Variants in FHOD3 observed in about 807,000 individuals in gnomAD.
FHOD3 encodes the protein FH1/FH2 domain-containing protein 3.
FHOD3 carries 90 observed loss-of-function variants against 173.0 expected under a neutral mutation model. The observed-to-expected ratio is 0.52, with a 90% CI of 0.44 to 0.62. The LOEUF is 0.62. FHOD3 is among the 20% of genes least tolerant of loss of function. FHOD3 has a pLI of 0.00. For missense variants in FHOD3, 1,945 were observed against 2,034.7 expected (o/e 0.96, Z 0.85); for synonymous variants, 828 against 823.0 (o/e 1.01, Z -0.10).
At chr18:36,459,977 G>A (rs1026592914) in intron 3 of FHOD3, among the ~76,000 whole-genome samples, 3 of 152,108 alleles carry the variant, frequency 2.0e-5, no homozygotes, top group Admixed American at 2.0e-4. Context: ...TGTTTTTGAT[G>A]ACCTTGCTAG....
intron 20 of FHOD3, among the ~76,000 whole-genome samples, chr18:36,738,264 T>G (rs558737834): frequency 1.3e-5 from 2 of 152,256 alleles, no homozygotes; most frequent in Non-Finnish European, 2.9e-5. Flanking sequence ...TTTTTGGCAG[T>G]TATGAATAAA....
intron 1 of FHOD3, among the ~76,000 whole-genome samples, chr18:36,326,701 T>A (rs1055798478): frequency 3.3e-5 from 5 of 152,192 alleles, no homozygotes; most frequent in Admixed American, 1.3e-4. Context: ...CAGTGAGCTA[T>A]GATCGCACCA....
intron 3 of FHOD3, among the ~76,000 whole-genome samples, chr18:36,458,414 G>A (rs754419766): frequency 5.3e-5 from 8 of 152,050 alleles, no homozygotes; most frequent in Non-Finnish European, 8.8e-5. Context: ...TTGGCAGCAC[G>A]TACTTCCAAC....
chr18:36,392,860 G>A (rs1278271378), intron 3 of FHOD3, among the ~76,000 whole-genome samples: 3 of 152,200 alleles, frequency 2.0e-5, no homozygotes, highest in African/African-American at 7.2e-5. Context: ...CAGCCTTCTG[G>A]TACTTACATA....
intron 7 of FHOD3, among the ~76,000 whole-genome samples, chr18:36,599,101 A>C (rs1475640685): frequency 6.6e-6 from 1 of 151,796 alleles, no homozygotes; most frequent in South Asian, 2.1e-4. Flanking sequence ...CATATTGGAG[A>C]CTCCCTTTCC....
intron 18 of FHOD3, among the ~76,000 whole-genome samples, chr18:36,716,013 G>A (rs1157080029): frequency 6.6e-6 from 1 of 152,232 alleles, no homozygotes; most frequent in Non-Finnish European, 1.5e-5. Context: ...AGTGTTGGTG[G>A]TGGTGTGCGA....
chr18:36,423,124 C>A (rs202216098), intron 3 of FHOD3, among the ~76,000 whole-genome samples: 10 of 142,706 alleles, frequency 7.0e-5, no homozygotes, highest in African/African-American at 1.8e-4. Context: ...ACACCCCCCC[C>A]AAACTTCATG....
intron 3 of FHOD3, among the ~76,000 whole-genome samples, chr18:36,462,020 A>G (rs1382612507): frequency 6.6e-6 from 1 of 152,232 alleles, no homozygotes; most frequent in Non-Finnish European, 1.5e-5. Context: ...CTGTAGAATA[A>G]TATGCAAAAG....
chr18:36,424,063 C>G (rs149273196), intron 3 of FHOD3, among the ~76,000 whole-genome samples: 1 of 152,128 alleles, frequency 6.6e-6, no homozygotes, highest in Non-Finnish European at 1.5e-5. Flanking sequence ...ATACACAAAA[C>G]ACACACCTAC....
chr18:36,530,537 A>G (rs1320920467), intron 5 of FHOD3, among the ~76,000 whole-genome samples: 2 of 152,208 alleles, frequency 1.3e-5, no homozygotes, highest in African/African-American at 4.8e-5. Context: ...TGCTGGTATC[A>G]TGGCTCTCGC....
intron 11 of FHOD3, among the ~76,000 whole-genome samples, chr18:36,650,207 CT>C (rs111716620): frequency 0.018 from 2,622 of 145,842 alleles, 71 homozygotes; most frequent in African/African-American, 0.056. Context: ...GACATTTTTA[CT>C]TTTTTTTTTT....
At chr18:36,639,068 C>G (rs973291036) in intron 10 of FHOD3, among the ~76,000 whole-genome samples, 1 of 152,138 alleles carries the variant, frequency 6.6e-6, no homozygotes, top group African/African-American at 2.4e-5. Flanking sequence ...GGTCTTGGGA[C>G]AGATTGAAGA....
chr18:36,598,357 C>T lies in FHOD3; in HGVS notation c.718+3459C>T, dbSNP rs576567631. On this transcript the variant is annotated intron_variant, in intron 7 of 28. Coordinates refer to ENST00000590592, the MANE Select transcript of FHOD3 (RefSeq NM_001281740.3). Reference sequence around the variant, plus strand: ...ACTACCTAAAGCAAATGAAGTTGTCCAGAACAAATTCCTTTGGTTGCATTA... The same window carrying T: ...ACTACCTAAAGCAAATGAAGTTGTCTAGAACAAATTCCTTTGGTTGCATTA... Among the ~76,000 whole-genome samples the T allele has an allele frequency of 3.0e-4, 45 of 152,172 alleles. 1 individual carries two copies. In the South Asian group the frequency reaches 3.1e-3, roughly 11 times the overall value.
At chr18:36,443,895 A>G (rs2051301317) in intron 3 of FHOD3, among the ~76,000 whole-genome samples, 2 of 152,300 alleles carry the variant, frequency 1.3e-5, no homozygotes, top group South Asian at 4.1e-4. Context: ...TCCATTAGCC[A>G]CAATGTTTGT....
intron 3 of FHOD3, among the ~76,000 whole-genome samples, chr18:36,380,435 T>TCCTC (rs143577697): frequency 6.0e-5 from 9 of 150,058 alleles, no homozygotes; most frequent in African/African-American, 1.5e-4. Context: ...TCATCTCCCT[T>TCCTC]CCTCCCTCCC....
At chr18:36,512,638 C>G in intron 5 of FHOD3, 95 bp downstream of exon 5, 1 of 873,228 alleles carries the variant, frequency 1.1e-6, no homozygotes, top group Non-Finnish European at 1.9e-6. Flanking sequence ...TTTTAAAAGA[C>G]TTCGATTTGA....
chr18:36,387,004 A>C (rs1001047193), intron 3 of FHOD3, among the ~76,000 whole-genome samples: 43 of 152,314 alleles, frequency 2.8e-4, no homozygotes, highest in African/African-American at 9.9e-4. Flanking sequence ...AGAAGTTCTT[A>C]AGGCAGCCTT....
intron 8 of FHOD3, among the ~76,000 whole-genome samples, chr18:36,604,171 C>T (rs1304167799): frequency 6.6e-6 from 1 of 152,168 alleles, no homozygotes; most frequent in Admixed American, 6.5e-5. Context: ...CCTTAGAGCA[C>T]AGGCACCTCG....
At chr18:36,731,736 G>A (rs780905749) in intron 20 of FHOD3, among the ~76,000 whole-genome samples, 6 of 152,220 alleles carry the variant, frequency 3.9e-5, no homozygotes, top group Non-Finnish European at 8.8e-5. Context: ...TTGAGAGTGA[G>A]GAAGGGCCTG....
Sources: allele counts gnomAD v4.1 joint callset (sites outside exome capture counted in the v4.1 genomes callset), GRCh38; gene constraint gnomAD v4.1.1; transcripts MANE v1.5; gene names NCBI Gene and HGNC (gene_info 2026-07-23, HGNC 2026-07-21).